The following CROCC2 variants were observed in gnomAD, a reference collection of about 807,000 sequenced individuals.
The protein encoded by CROCC2 is ciliary rootlet coiled-coil, rootletin family member 2.
A neutral mutation model predicts 177.6 loss-of-function variants in CROCC2; 163 were observed. The ratio of observed to expected loss-of-function variants is 0.92; its 90% CI spans 0.81 to 1.05. CROCC2 has a LOEUF of 1.05. Ranked by LOEUF, CROCC2 falls within the 50% of genes least tolerant of loss-of-function variation. The probability of loss-of-function intolerance (pLI) is 0.00; values close to 1 mark genes in which losing one functional copy is unlikely to be tolerated. For synonymous variants in CROCC2, 904 were observed against 787.3 expected (o/e 1.15, Z -2.48); for missense variants, 1,929 against 1,797.8 (o/e 1.07, Z -1.32).
Position 240,964,506 on chromosome 2 carries a change from A to G in CROCC2, c.3346A>G (p.Ile1116Val). 1 of 1,549,090 alleles carries G rather than the reference A, an allele frequency of 6.5e-7. No individual in the cohort carries two copies. The highest frequency in any genetic ancestry group is 8.7e-7 in the Non-Finnish European group (1 of 1,146,856). ...SKEEKEQKLL[I>V]LEEAQAALQQ... ...GGAGGAGAAGGAGCAGAAGCTGCTC[A>G]TCCTGGAGGAGGCCCAGGCGGCGTT... The change falls in exon 22 of 32, where the codon ATC (isoleucine) becomes GTC (valine). Residue 1116 changes from isoleucine (I) to valine (V), a missense_variant. This residue lies in a region of CROCC2 where 1,397 missense variants were observed against 1,239.9 expected (regional missense o/e 1.13). Transcript: ENST00000690015.
rs983403063 is a variant in CROCC2, at chr2:240,932,348, G to T, written c.978G>T (p.Lys326Asn). Residue 326 changes from lysine (K) to asparagine (N), a missense_variant, in exon 8 of 32, where the codon AAG becomes AAT. By Grantham distance (94) the Lys-to-Asn change is moderately conservative (BLOSUM62 0). This residue lies in a region of CROCC2 where 1,397 missense variants were observed against 1,239.9 expected (regional missense o/e 1.13). Coordinates refer to ENST00000690015, the MANE Select transcript of CROCC2 (RefSeq NM_001351305.2). ...CGGAGCAAACCCTGCTGGTGGAGAA[G>T]CTTACAGAGCAGAATGAGCAGAAGG... ...RLSEQTLLVE[K>N]LTEQNEQKAK... 29 of 717,126 alleles carry T rather than the reference G, an allele frequency of 4.0e-5. No homozygotes were observed. The Admixed American group carries it at 5.8e-4, about 14-fold the overall frequency. 44.4% of individuals were successfully genotyped at this position (717,126 alleles called of 1,614,324 possible).
Position 240,949,267 on chromosome 2 carries a change from G to A in CROCC2, c.2482+170G>A, listed in dbSNP as rs566938765. The A allele has an allele frequency of 1.0e-5, 9 of 900,132 alleles. No homozygotes were observed. The East Asian group carries it at 9.5e-4, about 95-fold the overall frequency. 55.8% of individuals were successfully genotyped at this position (900,132 alleles called of 1,614,324 possible). ...AGCGACTTGGGCCACCCTCGCCCAT[G>A]AGGAGCAGCAACACCCTGCCCAGGC... On this transcript the variant is annotated intron_variant, in intron 16 of 31. Coordinates refer to ENST00000690015, the MANE Select transcript of CROCC2 (RefSeq NM_001351305.2). This position sits in a 1 kb window ranked among gnomAD's most constrained non-coding sequence, Gnocchi z 4.5.
chr2:240,910,059 G>GC (rs2059277662), intron 1 of CROCC2, among the ~76,000 whole-genome samples: 2 of 152,180 alleles, frequency 1.3e-5, no homozygotes, highest in African/African-American at 4.8e-5. Context: ...TCCTTTGGAA[G>GC]CCCCCCAGCA....
chr2:240,988,945 G>T, intron 29 of CROCC2, 75 bp downstream of exon 29: 1 of 1,315,840 alleles, frequency 7.6e-7, no homozygotes, highest in Non-Finnish European at 9.8e-7. Context: ...GAGGGTGTCA[G>T]TTCCAGAGGG....
rs1333933772 is a variant in CROCC2 at position 240,993,182 on chromosome 2, C to T, written c.*101C>T. On this transcript the variant is annotated 3_prime_UTR_variant, in exon 32 of 32. Transcript: ENST00000690015. ...GATTTCTCAGCGTCACAGTGAAAGG[C>T]ACCCGTGATGAGACAGCTCGCTCTC... 2 of 685,300 alleles carry T rather than the reference C, an allele frequency of 2.9e-6. No homozygotes were observed. The highest frequency in any genetic ancestry group is 2.7e-5 in the East Asian group (1 of 36,418). The allele number at this position is 685,300 out of a possible 1,614,324, so 42.5% of individuals were successfully genotyped here. A position where few individuals can be genotyped will look rare whatever the true frequency, so the allele number is the denominator to read the frequency against.
chr2:240,962,011 CA>C (rs879502638), intron 20 of CROCC2, among the ~76,000 whole-genome samples: 2,036 of 74,358 alleles, frequency 0.027, 85 homozygotes, highest in East Asian at 0.23. Context: ...ACTCATCACC[CA>C]CACACACACA....
At position 240,918,212 on chromosome 2, in the gene CROCC2, G is replaced by A. The variant is rs1197177674; in HGVS notation, c.79-514G>A. 3.9e-5 allele frequency among the ~76,000 whole-genome samples: 6 copies of A among 152,170 alleles called. No individual in the cohort carries two copies. The highest frequency in any genetic ancestry group is 1.4e-4 in the African/African-American group (6 of 41,430). On this transcript the variant is annotated intron_variant, in intron 1 of 31. Coordinates refer to ENST00000690015, the MANE Select transcript of CROCC2 (RefSeq NM_001351305.2). This position sits in a 1 kb window ranked among gnomAD's most constrained non-coding sequence, Gnocchi z 6.3. Reference sequence around the variant, plus strand: ...AGGATGGGTTCAGCCTCAGCCCTCTGACCCATCCTCAGCCCCCACCCCCCA... The same window carrying A: ...AGGATGGGTTCAGCCTCAGCCCTCTAACCCATCCTCAGCCCCCACCCCCCA...
chr2:240,923,522 A>AGCCCCCAACACTAACCCG (rs2059371796), intron 4 of CROCC2, among the ~76,000 whole-genome samples: 1 of 45,970 alleles, frequency 2.2e-5, no homozygotes, highest in African/African-American at 9.0e-5. Context: ...ACACTAACCC[A>AGCCCCCAACACTAACCCG]GCCCCCCACA....
At chr2:240,933,433 T>C (rs1300791937) in intron 10 of CROCC2, 91 bp downstream of exon 10, 1 of 1,324,722 alleles carries the variant, frequency 7.5e-7, no homozygotes, top group African/African-American at 1.5e-5. Flanking sequence ...CCTCTAGAGC[T>C]GGAGGGGTTG....
chr2:240,927,645 C>A (rs1336471118), intron 5 of CROCC2, among the ~76,000 whole-genome samples: 1 of 152,096 alleles, frequency 6.6e-6, no homozygotes, highest in African/African-American at 2.4e-5. Flanking sequence ...TTACTCTTAA[C>A]TCACATTTTC....
At chr2:240,974,534 C>T (rs1176016972) in intron 27 of CROCC2, among the ~76,000 whole-genome samples, 98 of 134,834 alleles carry the variant, frequency 7.3e-4, no homozygotes, top group Middle Eastern at 3.9e-3. Flanking sequence ...TCTTTTTTTT[C>T]TTTTTTTTTT....
In CROCC2 at chr2:240,988,869, A is replaced by G. The variant is rs777946147; in HGVS notation, c.4682A>G (p.Gln1561Arg). ...GCCCTGAGGCAAAATCAGCAGCTGC[A>G]GGTCAACTGGGCCAGTGGAGCTCTG... is the stretch of plus-strand genomic sequence containing the variant. Reference protein sequence around the residue: ...DGALRQNQQLQAQMTEMEQAH... With the variant: ...DGALRQNQQLRAQMTEMEQAH... The change falls in exon 29 of 32, where the codon CAG (glutamine) becomes CGG (arginine). Residue 1561 changes from glutamine (Q) to arginine (R), a missense_variant and splice_region_variant. Gln to Arg is a conservative substitution (Grantham distance 43). Transcript: ENST00000690015. 4.0e-5 allele frequency: 59 copies of G among 1,475,756 alleles called. No homozygotes were observed. The highest frequency in any genetic ancestry group is 3.6e-4 in the Middle Eastern group (2 of 5,618). The allele number at this position is 1,475,756 out of a possible 1,614,324, so 91.4% of individuals were successfully genotyped here.
intron 1 of CROCC2, among the ~76,000 whole-genome samples, chr2:240,910,839 CT>C (rs1157874789): frequency 2.0e-5 from 3 of 152,062 alleles, no homozygotes; most frequent in African/African-American, 4.8e-5. Flanking sequence ...TTAAAAATTT[CT>C]TTTTTTCTGG....
intron 14 of CROCC2, 143 bp from the exon 15 acceptor site, chr2:240,945,917 C>T: frequency 1.6e-6 from 1 of 616,792 alleles, no homozygotes; most frequent in Non-Finnish European, 2.7e-6. Context: ...TTCTGAGATC[C>T]ACCCACTTCT....
intron 1 of CROCC2, among the ~76,000 whole-genome samples, chr2:240,915,686 C>T (rs548798283): frequency 1.1e-4 from 17 of 152,264 alleles, no homozygotes; most frequent in African/African-American, 4.1e-4. Flanking sequence ...AATGGGGTGG[C>T]GCAGCAGTGA....
intron 1 of CROCC2, among the ~76,000 whole-genome samples, chr2:240,915,150 CATG>C (rs1462701011): frequency 2.0e-5 from 3 of 152,198 alleles, no homozygotes; most frequent in Admixed American, 6.5e-5. Context: ...CCATCTGCAG[CATG>C]ATGATAAGGT....
chr2:240,925,701 T>G (rs1452778372), intron 4 of CROCC2, 23 bp from the exon 5 acceptor site: 1 of 702,294 alleles, frequency 1.4e-6, no homozygotes, highest in South Asian at 1.5e-5. Flanking sequence ...ACCCCCACCA[T>G]GCCCTGTGGG....
intron 8 of CROCC2, 114 bp from the exon 9 acceptor site, chr2:240,932,588 A>G: frequency 2.9e-6 from 2 of 696,186 alleles, no homozygotes; most frequent in South Asian, 1.6e-5. Flanking sequence ...CTGTCCTCCC[A>G]GTGGCAAAGG....
At chr2:240,981,520 A>T (rs1367814596) in intron 27 of CROCC2, 3 of 152,208 alleles carry the variant, frequency 2.0e-5, no homozygotes, top group Admixed American at 6.5e-5. Context: ...CCACTCAATT[A>T]TTACGGTTCA....
Sources: gnomAD v4.1 joint callset for allele counts (sites outside exome capture counted in the v4.1 genomes callset) on GRCh38, gnomAD v4.1.1 for gene constraint, gnomAD v4.1.1 regional missense constraint, Gnocchi (gnomAD v3.1) non-coding constraint, MANE v1.5 for transcripts, NCBI Gene and HGNC (gene_info 2026-07-23, HGNC 2026-07-21) for gene names.